Variants in ZNF804B observed in about 807,000 individuals in gnomAD.
ZNF804B encodes the protein zinc finger 804B.
In ZNF804B, 80 loss-of-function variants were observed where a neutral mutation model predicts 101.4. The ratio of observed to expected loss-of-function variants is 0.79; its 90% confidence interval spans 0.66 to 0.95. ZNF804B has a LOEUF of 0.95. ZNF804B is among the 40% of genes least tolerant of loss of function. ZNF804B has a pLI of 0.00. For missense variants in ZNF804B, 1,673 were observed against 1,561.9 expected (o/e 1.07, Z -1.20); for synonymous variants, 622 against 558.8 (o/e 1.11, Z -1.59).
At chr7:89,006,773 A>G (rs1052218372) in intron 1 of ZNF804B, among the ~76,000 whole-genome samples, 2 of 152,182 alleles carry the variant, frequency 1.3e-5, no homozygotes, top group African/African-American at 4.8e-5. Context: ...AGGCTTCTCC[A>G]GACTATTCAA....
chr7:89,298,216 G>GTGTATATATATATA (rs1421058768), intron 2 of ZNF804B, among the ~76,000 whole-genome samples: 3 of 27,522 alleles, frequency 1.1e-4, no homozygotes, highest in African/African-American at 3.1e-4. Context: ...GTGTGTGTGT[G>GTGTATATATATATA]TATATATATA....
At chr7:88,843,109 A>C (rs1472613084) in intron 1 of ZNF804B, among the ~76,000 whole-genome samples, 1 of 152,204 alleles carries the variant, frequency 6.6e-6, no homozygotes, top group Admixed American at 6.5e-5. Flanking sequence ...AATGCTTTGT[A>C]GTAGAAAGTA....
intron 1 of ZNF804B, among the ~76,000 whole-genome samples, chr7:88,907,164 AAAT>A (rs747751805): frequency 3.4e-4 from 51 of 152,092 alleles, no homozygotes; most frequent in Non-Finnish European, 6.0e-4. Context: ...GTCTTTTTAT[AAAT>A]AATTGCCTCC....
At chr7:89,188,670 C>A (rs1489256123) in intron 1 of ZNF804B, among the ~76,000 whole-genome samples, 2 of 152,042 alleles carry the variant, frequency 1.3e-5, no homozygotes, top group East Asian at 1.9e-4. Flanking sequence ...GATGAAAAAG[C>A]AAAACAGCTT....
intron 1 of ZNF804B, among the ~76,000 whole-genome samples, chr7:89,039,797 C>T (rs1321392267): frequency 2.6e-5 from 4 of 151,962 alleles, no homozygotes; most frequent in East Asian, 1.9e-4. Context: ...CTGAATTTAT[C>T]GTCTCATACT....
chr7:89,205,792 G>A (rs1439514794), intron 1 of ZNF804B, among the ~76,000 whole-genome samples: 3 of 152,160 alleles, frequency 2.0e-5, no homozygotes, highest in Non-Finnish European at 2.9e-5. Context: ...GGGGTCTGGA[G>A]GATGGTGGCC....
intron 2 of ZNF804B, among the ~76,000 whole-genome samples, chr7:89,313,946 A>G (rs1350948121): frequency 6.6e-6 from 1 of 152,190 alleles, no homozygotes; most frequent in African/African-American, 2.4e-5. Flanking sequence ...TCCCTTTAAA[A>G]AAATCTAAAG....
chr7:88,901,677 T>C (rs1364108294), intron 1 of ZNF804B, among the ~76,000 whole-genome samples: 1 of 151,728 alleles, frequency 6.6e-6, no homozygotes, highest in East Asian at 1.9e-4. Flanking sequence ...GAGTACTGGT[T>C]TTGGTTAGAT....
intron 1 of ZNF804B, among the ~76,000 whole-genome samples, chr7:88,986,773 A>G (rs924626773): frequency 1.1e-4 from 17 of 152,030 alleles, no homozygotes; most frequent in African/African-American, 3.9e-4. Context: ...CTTCTTTCCT[A>G]TTCCCAAACC....
At chr7:89,030,493 T>C (rs752963827) in intron 1 of ZNF804B, among the ~76,000 whole-genome samples, 1 of 152,124 alleles carries the variant, frequency 6.6e-6, no homozygotes, top group Non-Finnish European at 1.5e-5. Flanking sequence ...AACATGTAGA[T>C]TTATCAAGAC....
chr7:89,315,631 G>A (rs1381117608), intron 2 of ZNF804B, among the ~76,000 whole-genome samples: 2 of 151,968 alleles, frequency 1.3e-5, no homozygotes, highest in Non-Finnish European at 2.9e-5. Context: ...ATTTAGCTCT[G>A]ATGGAGTTTT....
intron 1 of ZNF804B, among the ~76,000 whole-genome samples, chr7:88,983,229 G>A (rs1230812829): frequency 6.6e-6 from 1 of 152,026 alleles, no homozygotes; most frequent in African/African-American, 2.4e-5. Context: ...TATTGAATCA[G>A]GTTCTACATT....
intron 1 of ZNF804B, among the ~76,000 whole-genome samples, chr7:88,884,879 T>A (rs142886229): frequency 1.3e-5 from 2 of 151,930 alleles, no homozygotes; most frequent in African/African-American, 4.8e-5. Flanking sequence ...GTCACCATAA[T>A]GGCAGTCTAC....
chr7:88,884,023 G>A (rs1232416205), intron 1 of ZNF804B, among the ~76,000 whole-genome samples: 2 of 151,902 alleles, frequency 1.3e-5, no homozygotes, highest in South Asian at 4.1e-4. Flanking sequence ...GTTTAATGGA[G>A]ATCCTAATGA....
At chr7:88,862,933 C>G (rs1460665327) in intron 1 of ZNF804B, among the ~76,000 whole-genome samples, 2 of 152,154 alleles carry the variant, frequency 1.3e-5, no homozygotes, top group Non-Finnish European at 2.9e-5. Context: ...TTCGTCATCC[C>G]ACATCTCACT....
chr7:89,135,861 G>A (rs1790627297), intron 1 of ZNF804B, among the ~76,000 whole-genome samples: 1 of 152,002 alleles, frequency 6.6e-6, no homozygotes, highest in African/African-American at 2.4e-5. Flanking sequence ...GAGAAGACAA[G>A]ATCAGTTATT....
chr7:89,025,650 C>G (rs1455906334), intron 1 of ZNF804B, among the ~76,000 whole-genome samples: 1 of 152,092 alleles, frequency 6.6e-6, no homozygotes, highest in African/African-American at 2.4e-5. Context: ...AAAGTGCTAA[C>G]AGTTCATAAA....
intron 1 of ZNF804B, among the ~76,000 whole-genome samples, chr7:89,197,736 T>C (rs1473861931): frequency 6.6e-6 from 1 of 151,918 alleles, no homozygotes; most frequent in Non-Finnish European, 1.5e-5. Flanking sequence ...TTTTTCCTTT[T>C]CTTGTTATAA....
At chr7:89,311,035 A>G (rs2115945031) in intron 2 of ZNF804B, among the ~76,000 whole-genome samples, 1 of 152,248 alleles carries the variant, frequency 6.6e-6, no homozygotes, top group African/African-American at 2.4e-5. Context: ...AAGCATGACT[A>G]ATTCTCCTGA....
Sources: gnomAD v4.1 joint callset for allele counts (sites outside exome capture counted in the v4.1 genomes callset) on GRCh38, gnomAD v4.1.1 for gene constraint, MANE v1.5 for transcripts, NCBI Gene and HGNC (gene_info 2026-07-23, HGNC 2026-07-21) for gene names.